Variants in LPCAT1 observed in about 807,000 individuals in gnomAD.
LPCAT1 encodes lysophosphatidylcholine acyltransferase 1.
A neutral mutation model predicts 60.9 loss-of-function variants in LPCAT1; 23 were observed. The ratio of observed to expected loss-of-function variants is 0.38; its 90% CI spans 0.27 to 0.53. The LOEUF is 0.53. Ranked by LOEUF, LPCAT1 falls within the 20% of genes least tolerant of loss-of-function variation. The probability of loss-of-function intolerance (pLI) is 0.82; values close to 1 mark genes in which losing one functional copy is unlikely to be tolerated. For missense variants in LPCAT1, 622 were observed against 723.6 expected (o/e 0.86, Z 1.61); for synonymous variants, 340 against 301.1 (o/e 1.13, Z -1.34).
At chr5:1,498,809 CAT>C (rs535077480) in intron 2 of LPCAT1, among the ~76,000 whole-genome samples, 64 of 152,162 alleles carry the variant, frequency 4.2e-4, no homozygotes, top group African/African-American at 1.5e-3. Context: ...TGTACACACT[CAT>C]ATACATACTT....
intron 5 of LPCAT1, among the ~76,000 whole-genome samples, chr5:1,484,592 A>G (rs1337152386): frequency 6.6e-6 from 1 of 152,110 alleles, no homozygotes; most frequent in Non-Finnish European, 1.5e-5. Flanking sequence ...GATTCTGCAC[A>G]ATTCTGGGAG....
Position 1,463,327 on chromosome 5 carries a change from A to T in LPCAT1, c.*324T>A. On this transcript the variant is annotated 3_prime_UTR_variant, in exon 14 of 14. Coordinates refer to ENST00000283415, the MANE Select transcript of LPCAT1 (RefSeq NM_024830.5). ...CACGCTGCCGCCGGAAGAGGCTGTG[A>T]CAGAGACTCGAAACCAGGGCCCCGT... The T allele has an allele frequency of 3.4e-6, 1 of 296,392 alleles. No individual in the cohort carries two copies. Among genetic ancestry groups the T allele is most frequent in the Non-Finnish European group, 6.3e-6 (1 of 158,498 alleles). 18.4% of individuals were successfully genotyped at this position (296,392 alleles called of 1,614,324 possible).
chr5:1,465,658 C>T (rs1432867942), intron 13 of LPCAT1, among the ~76,000 whole-genome samples: 1 of 151,806 alleles, frequency 6.6e-6, no homozygotes, highest in African/African-American at 2.4e-5. Flanking sequence ...GGTAACTAAA[C>T]ACGTGCGCTT....
intron 12 of LPCAT1, among the ~76,000 whole-genome samples, chr5:1,468,715 G>A (rs989726383): frequency 2.0e-5 from 3 of 152,252 alleles, no homozygotes; most frequent in Admixed American, 1.3e-4. Flanking sequence ...GGGGCCCCAA[G>A]GCGTATGAAG....
At chr5:1,513,437 C>A (rs770840035) in intron 1 of LPCAT1, among the ~76,000 whole-genome samples, 3 of 152,166 alleles carry the variant, frequency 2.0e-5, no homozygotes, top group Non-Finnish European at 2.9e-5. Context: ...GCCTGGCTCA[C>A]GGCAGGTGCT....
chr5:1,466,805 G>C lies in LPCAT1; in HGVS notation c.1364C>G (p.Thr455Ser). The change falls in exon 13 of 14, where the codon ACC (threonine) becomes AGC (serine). Residue 455 changes from threonine (T) to serine (S), a missense_variant. This residue lies in a region of LPCAT1 where 288 missense variants were observed against 283.6 expected (regional missense o/e 1.02). Coordinates refer to ENST00000283415, the MANE Select transcript of LPCAT1 (RefSeq NM_024830.5). ...LKTALGVAEL[T>S]VTDLFRAIDQ... Reference sequence around the variant, plus strand: ...AATGGCTCGGAATAGGTCGGTCACGGTGAGCTCTGCCACCCCCAGGGCCGT... The same window carrying C: ...AATGGCTCGGAATAGGTCGGTCACGCTGAGCTCTGCCACCCCCAGGGCCGT... The C allele has an allele frequency of 5.6e-6, 9 of 1,613,080 alleles. No individual in the cohort carries two copies. Among genetic ancestry groups the C allele is most frequent in the Non-Finnish European group, 7.6e-6 (9 of 1,179,396 alleles).
chr5:1,517,327 C>G (rs914504339), intron 1 of LPCAT1, among the ~76,000 whole-genome samples: 3 of 152,336 alleles, frequency 2.0e-5, no homozygotes, highest in African/African-American at 7.2e-5. Context: ...CTCCTGCAGT[C>G]TCTGTGTCAG....
At chr5:1,520,913 A>G (rs1560999535) in intron 1 of LPCAT1, among the ~76,000 whole-genome samples, 1 of 152,016 alleles carries the variant, frequency 6.6e-6, no homozygotes. Flanking sequence ...GAAATGGGGA[A>G]AACGCATCAG....
rs1252949964 is a variant in LPCAT1 at position 1,521,057 on chromosome 5, T to C, written c.135+2653A>G. Among the ~76,000 whole-genome samples the C allele has an allele frequency of 2.6e-5, 4 of 152,142 alleles. No individual in the cohort carries two copies. The highest frequency in any genetic ancestry group is 9.7e-5 in the African/African-American group (4 of 41,426). On this transcript the variant is annotated intron_variant, in intron 1 of 13. Transcript: ENST00000283415. This position sits in a 1 kb window ranked among gnomAD's most constrained non-coding sequence, Gnocchi z 4.3. ...TATGAAGAACCTCAGCTGAACTCAC[T>C]AAGATCCTGTACCATACCATTTACC... is the stretch of plus-strand genomic sequence containing the variant.
rs1009541420 is a variant in LPCAT1, at chr5:1,477,683, T to A, written c.817-197A>T. Among the ~76,000 whole-genome samples, 4 of 152,210 alleles carry A rather than the reference T, an allele frequency of 2.6e-5. No individual in the cohort carries two copies. The highest frequency in any genetic ancestry group is 2.6e-4 in the Admixed American group (4 of 15,284). On this transcript the variant is annotated intron_variant, in intron 8 of 13. Transcript: ENST00000283415. The surrounding 1 kb of genome is among the most constrained non-coding windows in gnomAD (Gnocchi z 6.0). ...TGCATGAACTGCACACGTGTGCACC[T>A]GAACACTCACCCTCATTGGTGCTCC...
intron 12 of LPCAT1, among the ~76,000 whole-genome samples, chr5:1,468,795 G>A (rs1734547391): frequency 6.6e-6 from 1 of 152,234 alleles, no homozygotes; most frequent in Non-Finnish European, 1.5e-5. Flanking sequence ...GGTGCTAGGA[G>A]TTCTGTGTCC....
At chr5:1,512,949 T>C (rs1014909199) in intron 1 of LPCAT1, among the ~76,000 whole-genome samples, 7 of 152,130 alleles carry the variant, frequency 4.6e-5, no homozygotes, top group Admixed American at 3.3e-4. Context: ...GCAGCCCGTG[T>C]AAAGATGGCA....
At position 1,479,764 on chromosome 5, in the gene LPCAT1, G is replaced by A. The variant is rs552502179; in HGVS notation, c.762-89C>T. 1.3e-4 allele frequency: 130 copies of A among 1,027,184 alleles called. No individual in the cohort carries two copies. The African/African-American group carries it at 1.5e-3, about 12-fold the overall frequency. 63.6% of individuals were successfully genotyped at this position (1,027,184 alleles called of 1,614,324 possible). A position where few individuals can be genotyped will look rare whatever the true frequency, so the allele number is the denominator to read the frequency against. On this transcript the variant is annotated intron_variant, in intron 7 of 13. Coordinates refer to ENST00000283415, the MANE Select transcript of LPCAT1 (RefSeq NM_024830.5). ...CAATTCTGGGGTGAAACCTCCAGACGCGCCCTCCAGAGGGCGCTACTGGGC... is the reference window on the plus strand; with the variant it reads ...CAATTCTGGGGTGAAACCTCCAGACACGCCCTCCAGAGGGCGCTACTGGGC...
In LPCAT1 at chr5:1,514,908, A is replaced by C. The variant is rs188006088; in HGVS notation, c.135+8802T>G. On this transcript the variant is annotated intron_variant, in intron 1 of 13. Coordinates refer to ENST00000283415, the MANE Select transcript of LPCAT1 (RefSeq NM_024830.5). Reference sequence around the variant, plus strand: ...CGGAGCTGTGGCCCAGGGAAACGCCAATCTCCCCGGACCTCCCGCCTGGTC... The same window carrying C: ...CGGAGCTGTGGCCCAGGGAAACGCCCATCTCCCCGGACCTCCCGCCTGGTC... Among the ~76,000 whole-genome samples, 105 of 152,272 alleles carry C rather than the reference A, an allele frequency of 6.9e-4. 1 individual carries two copies. The East Asian group carries it at 0.019, about 28-fold the overall frequency.
intron 1 of LPCAT1, among the ~76,000 whole-genome samples, chr5:1,505,887 A>G (rs1736172000): frequency 6.6e-6 from 1 of 152,190 alleles, no homozygotes; most frequent in Non-Finnish European, 1.5e-5. Context: ...AGAATGCCTG[A>G]CCACGTGACG....
chr5:1,513,819 G>A (rs1454620037), intron 1 of LPCAT1, among the ~76,000 whole-genome samples: 5 of 126,552 alleles, frequency 4.0e-5, no homozygotes, highest in Non-Finnish European at 6.5e-5. Context: ...GGCTCTCACC[G>A]GTGAGGCGGG....
At chr5:1,471,394 A>T (rs1054415262) in intron 11 of LPCAT1, among the ~76,000 whole-genome samples, 1 of 152,210 alleles carries the variant, frequency 6.6e-6, no homozygotes, top group Non-Finnish European at 1.5e-5. Context: ...GACCATTCTC[A>T]GTAACTCCTC....
chr5:1,494,155 C>A (rs796968345), intron 3 of LPCAT1, among the ~76,000 whole-genome samples: 1 of 152,128 alleles, frequency 6.6e-6, no homozygotes, highest in African/African-American at 2.4e-5. Context: ...CCCTGGTTCA[C>A]GGCACAGCCG....
chr5:1,472,727 G>A (rs761549495), intron 11 of LPCAT1, among the ~76,000 whole-genome samples: 32 of 152,224 alleles, frequency 2.1e-4, no homozygotes, highest in South Asian at 6.2e-4. Context: ...GATGTGGCAC[G>A]GACACCAGGA....
Sources: gnomAD v4.1 joint callset for allele counts (sites outside exome capture counted in the v4.1 genomes callset) on GRCh38, gnomAD v4.1.1 for gene constraint, gnomAD v4.1.1 regional missense constraint, Gnocchi (gnomAD v3.1) non-coding constraint, MANE v1.5 for transcripts, NCBI Gene and HGNC (gene_info 2026-07-23, HGNC 2026-07-21) for gene names.